The following STAT5B variants were observed in gnomAD, a reference collection of about 807,000 sequenced individuals.
STAT5B encodes transcription factor STAT5B.
In STAT5B, 21 loss-of-function variants were observed where a neutral mutation model predicts 107.8. The observed-to-expected ratio is 0.19, with a 90% CI of 0.14 to 0.28. STAT5B has a LOEUF of 0.28. STAT5B is among the 10% of genes least tolerant of loss of function. STAT5B has a pLI of 1.00. For missense variants in STAT5B, 565 were observed against 1,008.2 expected, an observed-to-expected ratio of 0.56 and a Z score of 5.95; for synonymous variants, 325 against 401.7, an observed-to-expected ratio of 0.81 and a Z score of 2.28.
chr17:42,206,756 G>A (rs1218932638), intron 16 of STAT5B, among the ~76,000 whole-genome samples: 1 of 151,796 alleles, frequency 6.6e-6, no homozygotes, highest in African/African-American at 2.4e-5. Context: ...TGTATTTTCA[G>A]TAGAGGTGGG....
chr17:42,220,120 G>A (rs541486466), intron 5 of STAT5B, among the ~76,000 whole-genome samples: 8 of 152,292 alleles, frequency 5.3e-5, no homozygotes, highest in African/African-American at 1.2e-4. Flanking sequence ...CCTCCTGCCC[G>A]CCTGCCTCAC....
intron 1 of STAT5B, among the ~76,000 whole-genome samples, chr17:42,239,866 C>A (rs1337308411): frequency 6.6e-6 from 1 of 152,254 alleles, no homozygotes; most frequent in Admixed American, 6.5e-5. Flanking sequence ...TGGCTCACGC[C>A]TGTAATCCCA....
intron 3 of STAT5B, 66 bp from the exon 4 acceptor site, chr17:42,224,934 A>G: frequency 6.4e-7 from 1 of 1,553,576 alleles, no homozygotes; most frequent in Non-Finnish European, 8.8e-7. Context: ...ACCATGCCTC[A>G]GGATGGGGAG....
intron 15 of STAT5B, among the ~76,000 whole-genome samples, chr17:42,208,456 A>C (rs943037567): frequency 3.3e-5 from 5 of 151,740 alleles, no homozygotes; most frequent in African/African-American, 1.2e-4. Context: ...AGATCATGAC[A>C]CTGCACTCCA....
At chr17:42,237,162 A>G (rs575288911) in intron 1 of STAT5B, among the ~76,000 whole-genome samples, 35 of 152,336 alleles carry the variant, frequency 2.3e-4, no homozygotes, top group African/African-American at 8.4e-4. Flanking sequence ...CTGAAGGCAT[A>G]AAGCACCTAC....
intron 1 of STAT5B, among the ~76,000 whole-genome samples, chr17:42,259,012 G>C (rs930583728): frequency 2.0e-5 from 3 of 152,152 alleles, no homozygotes; most frequent in Admixed American, 1.3e-4. Flanking sequence ...GAGTAGCTAA[G>C]ACCAAAAGGT....
At chr17:42,261,232 G>A (rs2080593682) in intron 1 of STAT5B, among the ~76,000 whole-genome samples, 1 of 152,024 alleles carries the variant, frequency 6.6e-6, no homozygotes, top group Non-Finnish European at 1.5e-5. Flanking sequence ...TGAATTAAAC[G>A]AGATTATCAT....
intron 1 of STAT5B, among the ~76,000 whole-genome samples, chr17:42,262,966 GTGTGTATA>G (rs1422869431): frequency 2.8e-3 from 110 of 38,696 alleles, no homozygotes; most frequent in African/African-American, 6.4e-3. Context: ...GTGTGTGTGT[GTGTGTATA>G]TATATATATA....
At chr17:42,245,564 C>T (rs2080444413) in intron 1 of STAT5B, among the ~76,000 whole-genome samples, 1 of 151,706 alleles carries the variant, frequency 6.6e-6, no homozygotes, top group African/African-American at 2.4e-5. Context: ...CTCTTATTGC[C>T]CAGGCTGGAG....
intron 2 of STAT5B, among the ~76,000 whole-genome samples, chr17:42,228,475 A>G (rs1263503864): frequency 6.6e-6 from 1 of 152,126 alleles, no homozygotes; most frequent in Non-Finnish European, 1.5e-5. Context: ...CAAATTACTT[A>G]CTCACTGAAG....
At chr17:42,260,803 A>T (rs7216004) in intron 1 of STAT5B, among the ~76,000 whole-genome samples, 54,184 of 151,990 alleles carry the variant, frequency 0.36, 10,825 homozygotes, top group African/African-American at 0.54. Context: ...ACAGACTAAG[A>T]AAATTACAAT....
chr17:42,240,525 G>T (rs754713597), intron 1 of STAT5B, among the ~76,000 whole-genome samples: 4 of 152,162 alleles, frequency 2.6e-5, no homozygotes, highest in Non-Finnish European at 2.9e-5. Context: ...AAAGGTAAGG[G>T]CTTTTTGAGG....
intron 13 of STAT5B, among the ~76,000 whole-genome samples, chr17:42,211,138 T>C (rs952949535): frequency 4.6e-5 from 7 of 151,312 alleles, no homozygotes; most frequent in African/African-American, 1.7e-4. Flanking sequence ...GAGACGGAGG[T>C]TGCAGTGAGC....
intron 15 of STAT5B, among the ~76,000 whole-genome samples, chr17:42,209,914 GT>G (rs774697543): frequency 4.1e-4 from 63 of 152,152 alleles, no homozygotes; most frequent in Non-Finnish European, 7.3e-4. Context: ...TGTATCATAG[GT>G]AGCCATGTCA....
At chr17:42,256,976 T>C (rs559668823) in intron 1 of STAT5B, among the ~76,000 whole-genome samples, 69 of 151,986 alleles carry the variant, frequency 4.5e-4, no homozygotes, top group African/African-American at 1.6e-3. Context: ...TAATTATATA[T>C]GCATAGGAAA....
rs1598291639 is a variant in STAT5B at position 42,201,788 on chromosome 17, G to A, written c.2314C>T (p.Leu772Phe). 4 of 1,614,160 alleles carry A rather than the reference G, an allele frequency of 2.5e-6. No homozygotes were observed. The highest frequency in any genetic ancestry group is 3.3e-4 in the Middle Eastern group (2 of 6,062). Residue 772 changes from leucine (L) to phenylalanine (F), a missense_variant, in exon 19 of 19, where the codon CTC (leucine) becomes TTC (phenylalanine). Leu to Phe is a conservative substitution (Grantham distance 22). Transcript: ENST00000293328. ...TMDVARRVEE[L>F]LGRPMDSQWI... Reference sequence around the variant, plus strand: ...TGACTGTCCATTGGCCGGCCCAGGAGCTCCTCCACACGCCGCGCTACGTCC... The same window carrying A: ...TGACTGTCCATTGGCCGGCCCAGGAACTCCTCCACACGCCGCGCTACGTCC...
In STAT5B at chr17:42,201,744, T is replaced by C. The variant is rs568497349; in HGVS notation, c.2358A>G (p.Gln786=). 19 of 1,600,786 alleles carry C rather than the reference T, an allele frequency of 1.2e-5. No homozygotes were observed. The highest frequency in any genetic ancestry group is 6.6e-5 in the South Asian group (6 of 90,826). The change falls in exon 19 of 19, where the codon CAA becomes CAG. Residue 786 remains glutamine (Q), a synonymous_variant. Coordinates refer to ENST00000293328, the MANE Select transcript of STAT5B (RefSeq NM_012448.4). The part of the protein sequence containing the change: ...PMDSQWIPHA[Q]S Reference sequence around the variant, plus strand: ...AGATGGAGAGGTCGCGGGGTCACGATTGTGCGTGCGGGATCCACTGACTGT... The same window carrying C: ...AGATGGAGAGGTCGCGGGGTCACGACTGTGCGTGCGGGATCCACTGACTGT...
At chr17:42,234,224 TG>T (rs2080340053) in intron 1 of STAT5B, 1 of 152,228 alleles carries the variant, frequency 6.6e-6, no homozygotes, top group Non-Finnish European at 1.5e-5. Flanking sequence ...GGGCTATTTA[TG>T]GGACAAGTCA....
intron 1 of STAT5B, among the ~76,000 whole-genome samples, chr17:42,264,360 C>T (rs1298524494): frequency 8.7e-6 from 1 of 115,448 alleles, no homozygotes; most frequent in Non-Finnish European, 1.7e-5. Flanking sequence ...CTCCCCCCTC[C>T]CCCCACCCCA....
Sources: allele counts gnomAD v4.1 joint callset (sites outside exome capture counted in the v4.1 genomes callset), GRCh38; gene constraint gnomAD v4.1.1; transcripts MANE v1.5; gene names NCBI Gene and HGNC (gene_info 2026-07-23, HGNC 2026-07-21).